Variants in ZNF221 observed in about 807,000 individuals in gnomAD.
ZNF221 encodes the protein zinc finger protein 221.
In ZNF221, 10 loss-of-function variants were observed where a neutral mutation model predicts 12.6. That is an observed-to-expected ratio of 0.79 (90% CI 0.49 to 1.34). The LOEUF (loss-of-function observed/expected upper bound fraction) is 1.34, where lower values mean the gene tolerates loss of function less well. ZNF221 is among the 40% of genes most tolerant of loss of function. ZNF221 has a pLI of 0.00. For synonymous variants in ZNF221, 232 were observed against 244.0 expected, an observed-to-expected ratio of 0.95 and a Z score of 0.46; for missense variants, 661 against 721.4, an observed-to-expected ratio of 0.92 and a Z score of 0.96.
chr19:43,973,683 A>T, the ZNF221 span, among the ~76,000 whole-genome samples: 1 of 152,218 alleles, frequency 6.6e-6, no homozygotes, highest in East Asian at 1.9e-4. Flanking sequence ...ATCTAGGAAT[A>T]CAGCTAACAA....
downstream of ZNF221, among the ~76,000 whole-genome samples, chr19:43,969,195 G>C (rs1975043483): frequency 6.6e-6 from 1 of 152,126 alleles, no homozygotes; most frequent in African/African-American, 2.4e-5. Flanking sequence ...GTGGGGGAAG[G>C]CTGGCCACCA....
At chr19:43,954,016 A>G (rs1974715174) in intron 1 of ZNF221, among the ~76,000 whole-genome samples, 1 of 146,616 alleles carries the variant, frequency 6.8e-6, no homozygotes. Context: ...TGGGAGGCAA[A>G]GGCTGCAGTG....
intron 2 of ZNF221, 122 bp from the exon 3 acceptor site, chr19:43,964,828 G>A (rs1369180280): frequency 1.5e-6 from 2 of 1,308,580 alleles, no homozygotes; most frequent in African/African-American, 1.5e-5. Flanking sequence ...TCTGTATGTT[G>A]ACCTACATCC....
chr19:43,966,277 T>G lies in ZNF221; in HGVS notation c.775T>G (p.Cys259Gly). 6.2e-7 allele frequency: 1 copy of G among 1,613,298 alleles called. No homozygotes were observed. Among genetic ancestry groups the G allele is most frequent in the Non-Finnish European group, 8.5e-7 (1 of 1,179,270 alleles). The change falls in exon 5 of 5, where the codon TGT (cysteine) becomes GGT (glycine). Residue 259 changes from cysteine to glycine, a missense_variant. Coordinates refer to ENST00000587682, the MANE Select transcript of ZNF221 (RefSeq NM_001297588.2). ...TGEKPFKCGQCGKGFHSRSAL... is the reference protein window; with the variant it reads ...TGEKPFKCGQGGKGFHSRSAL... ...AGAGAAACCATTCAAATGTGGGCAA[T>G]GTGGGAAAGGCTTCCATAGTAGATC...
At chr19:43,960,481 A>T (rs1162339473) in intron 1 of ZNF221, 3 of 152,250 alleles carry the variant, frequency 2.0e-5, no homozygotes, top group African/African-American at 7.2e-5. Context: ...GATTTGCATG[A>T]CTAACAGAAA....
At chr19:43,954,496 C>T (rs1293968755) in intron 1 of ZNF221, among the ~76,000 whole-genome samples, 3 of 152,154 alleles carry the variant, frequency 2.0e-5, no homozygotes, top group African/African-American at 7.2e-5. Context: ...ATGCTTCCCC[C>T]TCAGTTCACC....
In ZNF221 at chr19:43,966,426, G is replaced by A. The variant is rs1369292875; in HGVS notation, c.924G>A (p.Lys308=). Residue 308 remains lysine (K), a synonymous_variant, in exon 5 of 5, where the codon AAG becomes AAA. Transcript: ENST00000587682. ...ATCAGAGAATCCATACTGGGGAGAAGCCATTCAAATGTGATATATGTGGTA... is the reference window on the plus strand; with the variant it reads ...ATCAGAGAATCCATACTGGGGAGAAACCATTCAAATGTGATATATGTGGTA... ...QEHQRIHTGE[K]PFKCDICGKS... is the part of the protein sequence containing the mutation. The A allele has an allele frequency of 3.7e-6, 6 of 1,614,018 alleles. No individual in the cohort carries two copies. The highest frequency in any genetic ancestry group is 1.1e-5 in the South Asian group (1 of 91,072).
At chr19:43,974,740 T>C in the ZNF221 span, among the ~76,000 whole-genome samples, 2 of 151,840 alleles carry the variant, frequency 1.3e-5, no homozygotes, top group Non-Finnish European at 2.9e-5. Flanking sequence ...AAAGAAGCCA[T>C]TTGCAGCAGC....
the ZNF221 span, among the ~76,000 whole-genome samples, chr19:43,978,065 C>T: frequency 2.6e-5 from 4 of 152,190 alleles, no homozygotes; most frequent in South Asian, 8.3e-4. Flanking sequence ...AATTGTGATA[C>T]TACTTGTGAA....
At chr19:43,965,452 CCTT>C (rs1429970062) in intron 4 of ZNF221, 127 bp downstream of exon 4, 12 of 749,330 alleles carry the variant, frequency 1.6e-5, no homozygotes, top group Admixed American at 3.3e-5. Context: ...CAACTGCCTT[CCTT>C]CTTTAAAGTT....
rs369170546 is a variant in ZNF221, at chr19:43,966,114, A to G, written c.612A>G (p.Gly204=). The change falls in exon 5 of 5, where the codon GGA becomes GGG. Residue 204 remains glycine, a synonymous_variant. Transcript: ENST00000587682. ...AATCTCATACATGTGGTGAGTGTGGAAAAAGCTTCTGTTACAGCCCAGCCC... is the reference window on the plus strand; with the variant it reads ...AATCTCATACATGTGGTGAGTGTGGGAAAAGCTTCTGTTACAGCCCAGCCC... ...GEKSHTCGEC[G]KSFCYSPALH... 18 of 1,614,202 alleles carry G rather than the reference A, an allele frequency of 1.1e-5. No individual in the cohort carries two copies. The highest frequency in any genetic ancestry group is 1.5e-5 in the Non-Finnish European group (18 of 1,180,022).
At chr19:43,972,484 G>C (rs960811859), downstream of ZNF221, among the ~76,000 whole-genome samples, 3 of 151,354 alleles carry the variant, frequency 2.0e-5, no homozygotes, top group African/African-American at 7.3e-5. Flanking sequence ...CTGGTTTTTT[G>C]AAAAAAATTA....
chr19:43,969,489 C>T (rs1026072663), downstream of ZNF221, among the ~76,000 whole-genome samples: 14 of 152,144 alleles, frequency 9.2e-5, no homozygotes, highest in Non-Finnish European at 2.1e-4. Flanking sequence ...GCTGGGATTA[C>T]AGGCAGGTAC....
rs1255374359 is a variant in ZNF221 at position 43,951,378 on chromosome 19, G to C, written c.-25G>C. ...GAGCTAGCGATAGATTTAGAGGAAA[G>C]GAAGCACCGTCGGAAAGCAAAGGTT... On this transcript the variant is annotated 5_prime_UTR_variant, in exon 1 of 5. Transcript: ENST00000587682. The C allele has an allele frequency of 6.6e-6, 1 of 152,462 alleles. No individual in the cohort carries two copies. Among genetic ancestry groups the C allele is most frequent in the Non-Finnish European group, 1.5e-5 (1 of 68,126 alleles). 9.4% of individuals were successfully genotyped at this position (152,462 alleles called of 1,614,324 possible).
At chr19:43,956,797 T>A (rs1435715011) in intron 1 of ZNF221, among the ~76,000 whole-genome samples, 1 of 152,206 alleles carries the variant, frequency 6.6e-6, no homozygotes, top group Admixed American at 6.5e-5. Flanking sequence ...CAATTTCCAT[T>A]TTATTTTTTC....
intron 4 of ZNF221, 77 bp from the exon 5 acceptor site, chr19:43,965,727 A>G: frequency 1.5e-6 from 2 of 1,294,414 alleles, no homozygotes; most frequent in South Asian, 1.5e-5. Context: ...GTTTAATGCC[A>G]TGTCCTAAGT....
intron 4 of ZNF221, 83 bp from the exon 5 acceptor site, chr19:43,965,721 A>T: frequency 8.0e-7 from 1 of 1,252,052 alleles, no homozygotes; most frequent in Non-Finnish European, 1.1e-6. Context: ...ATTAAAGTTT[A>T]ATGCCATGTC....
Position 43,958,538 on chromosome 19 carries a change from C to T in ZNF221, c.-2-4187C>T, listed in dbSNP as rs532503379. Among the ~76,000 whole-genome samples the T allele has an allele frequency of 4.6e-5, 7 of 152,268 alleles. No homozygotes were observed. In the South Asian group the frequency reaches 1.5e-3, roughly 32 times the overall value. On this transcript the variant is annotated intron_variant, in intron 1 of 4. Transcript: ENST00000587682. ...TGTTCCCTTGGGAACAATCTGTTAA[C>T]ATTGATAGTGAGATTCAGGCAATAT...
the ZNF221 span, among the ~76,000 whole-genome samples, chr19:43,981,139 C>A: frequency 2.0e-5 from 3 of 151,458 alleles, no homozygotes; most frequent in African/African-American, 7.3e-5. Flanking sequence ...TAGATTTGAA[C>A]AATTTACAAA....
Sources: gnomAD v4.1 joint callset for allele counts (sites outside exome capture counted in the v4.1 genomes callset) on GRCh38, gnomAD v4.1.1 for gene constraint, MANE v1.5 for transcripts, NCBI Gene and HGNC (gene_info 2026-07-23, HGNC 2026-07-21) for gene names.